SULF2: variants seen among roughly 807,000 people sequenced by gnomAD.
SULF2 encodes the protein sulfatase 2.
SULF2 carries 52 observed loss-of-function variants against 107.7 expected under a neutral mutation model. The observed-to-expected ratio is 0.48, with a 90% CI of 0.39 to 0.61. The LOEUF (loss-of-function observed/expected upper bound fraction) is 0.61. Among genes scored for constraint, SULF2 ranks in the 20% least tolerant of loss-of-function variants. The pLI, the probability that SULF2 is intolerant of heterozygous loss-of-function variation, is 0.00. For missense variants in SULF2, 993 were observed against 1,177.3 expected (o/e 0.84, Z 2.29); for synonymous variants, 460 against 464.3 (o/e 0.99, Z 0.12).
chr20:47,735,480 G>A (rs2089706623), intron 3 of SULF2, among the ~76,000 whole-genome samples: 1 of 152,176 alleles, frequency 6.6e-6, no homozygotes. Flanking sequence ...TTCAATAAGG[G>A]CCCACTGCTG....
chr20:47,674,318 C>T (rs2087570692), intron 10 of SULF2, among the ~76,000 whole-genome samples: 1 of 152,210 alleles, frequency 6.6e-6, no homozygotes, highest in African/African-American at 2.4e-5. Flanking sequence ...GTCCCTACAG[C>T]TGCTGAGAAC....
chr20:47,681,709 A>G (rs1440598345), intron 7 of SULF2, among the ~76,000 whole-genome samples: 1 of 152,160 alleles, frequency 6.6e-6, no homozygotes, highest in African/African-American at 2.4e-5. Flanking sequence ...TGTTTTTGAG[A>G]TGGAGTCTCA....
At chr20:47,673,719 T>TGGCCCTGAATGAGGCC (rs1392428481) in intron 10 of SULF2, among the ~76,000 whole-genome samples, 15 of 152,342 alleles carry the variant, frequency 9.8e-5, no homozygotes, top group African/African-American at 2.9e-4. Flanking sequence ...CCAGCAGGCA[T>TGGCCCTGAATGAGGCC]GGCCCTGAAT....
intron 17 of SULF2, among the ~76,000 whole-genome samples, 176 bp downstream of exon 17, chr20:47,662,894 A>AGC (rs71183271): frequency 7.2e-5 from 11 of 151,974 alleles, no homozygotes; most frequent in Non-Finnish European, 1.0e-4. Flanking sequence ...GGAGGCAAAA[A>AGC]AGGCTGATTG....
At chr20:47,762,990 G>A (rs1025672906) in intron 1 of SULF2, among the ~76,000 whole-genome samples, 5 of 152,138 alleles carry the variant, frequency 3.3e-5, no homozygotes, top group African/African-American at 4.8e-5. Flanking sequence ...GTTTCTCTCC[G>A]GATGCTGAAG....
chr20:47,783,427 CTCCCAAATCAG>C (rs1479252939), intron 1 of SULF2, among the ~76,000 whole-genome samples: 4 of 152,224 alleles, frequency 2.6e-5, no homozygotes, highest in African/African-American at 7.2e-5. Context: ...GAAATGTTAT[CTCCCAAATCAG>C]GTCCAAATCA....
In SULF2 at chr20:47,747,018, T is replaced by TATATATATATATACACAC. The variant is rs1232551264; in HGVS notation, c.176-10077_176-10076insGTGTGTATATATATATAT. Among the ~76,000 whole-genome samples the TATATATATATATACACAC allele has an allele frequency of 4.0e-5, 3 of 75,126 alleles. No individual in the cohort carries two copies. In the East Asian group the frequency reaches 1.2e-3, roughly 30 times the overall value. 49.3% of individuals were successfully genotyped at this position (75,126 alleles called of 152,430 possible). On this transcript the variant is annotated intron_variant, in intron 2 of 20. Transcript: ENST00000688720. ...AAATATATATATATATATATATATA[T>TATATATATATATACACAC]ACACACACACACACATAAAAAGGGA...
At position 47,745,861 on chromosome 20, in the gene SULF2, C is replaced by T. The variant is rs1350659056; in HGVS notation, c.176-8919G>A. 3.3e-5 allele frequency among the ~76,000 whole-genome samples: 5 copies of T among 152,094 alleles called. No homozygotes were observed. In the East Asian group the frequency reaches 5.8e-4, roughly 18 times the overall value. On this transcript the variant is annotated intron_variant, in intron 2 of 20. Coordinates refer to ENST00000688720, the MANE Select transcript of SULF2 (RefSeq NM_001387048.1). ...CAGCTTTTCAACAAGTATCGTCTCA[C>T]GCGGAGTTAAAAAACGGAGTCCCTC...
At chr20:47,672,607 C>T (rs982193269) in intron 10 of SULF2, 6 of 935,338 alleles carry the variant, frequency 6.4e-6, no homozygotes, top group East Asian at 1.2e-4. Flanking sequence ...GAGATGCCTC[C>T]GACAGCCACC....
chr20:47,693,084 G>A (rs1367240143), intron 4 of SULF2, among the ~76,000 whole-genome samples: 2 of 152,090 alleles, frequency 1.3e-5, no homozygotes, highest in Non-Finnish European at 2.9e-5. Context: ...GATTAATTTT[G>A]GGGAGTAAAA....
chr20:47,752,683 C>T (rs1426430531), intron 2 of SULF2, among the ~76,000 whole-genome samples: 5 of 151,908 alleles, frequency 3.3e-5, no homozygotes, highest in Admixed American at 3.3e-4. Context: ...CTCAGGAGGT[C>T]GAGGCTGCAG....
intron 1 of SULF2, among the ~76,000 whole-genome samples, chr20:47,767,705 G>A (rs2090553205): frequency 6.6e-6 from 1 of 152,148 alleles, no homozygotes. Context: ...AACCCAGGAG[G>A]CAGAGCTTGC....
intron 2 of SULF2, among the ~76,000 whole-genome samples, chr20:47,748,799 TG>T (rs1454855192): frequency 6.6e-6 from 1 of 152,220 alleles, no homozygotes; most frequent in Non-Finnish European, 1.5e-5. Context: ...TCTGTGTCCC[TG>T]GGTTCCAGTA....
intron 2 of SULF2, among the ~76,000 whole-genome samples, chr20:47,739,507 G>T (rs1347115417): frequency 6.6e-6 from 1 of 152,098 alleles, no homozygotes; most frequent in Non-Finnish European, 1.5e-5. Context: ...CAATCACAGG[G>T]CTACCTCTGT....
intron 5 of SULF2, among the ~76,000 whole-genome samples, chr20:47,687,611 G>A (rs2088053090): frequency 6.6e-6 from 1 of 152,226 alleles, no homozygotes; most frequent in Admixed American, 6.5e-5. Flanking sequence ...CTGTGGGCAC[G>A]CCTGTGTGTA....
intron 1 of SULF2, among the ~76,000 whole-genome samples, chr20:47,766,658 T>G (rs1489946290): frequency 2.0e-5 from 3 of 152,132 alleles, no homozygotes; most frequent in Admixed American, 6.5e-5. Context: ...GAAGTGATAC[T>G]CTAAGTCAAC....
chr20:47,717,860 C>A (rs967857345), intron 3 of SULF2, among the ~76,000 whole-genome samples: 5 of 147,662 alleles, frequency 3.4e-5, no homozygotes, highest in Non-Finnish European at 7.4e-5. Context: ...GTCACCCAGG[C>A]TGGAGTTCAG....
At chr20:47,743,792 T>C (rs1021964391) in intron 2 of SULF2, among the ~76,000 whole-genome samples, 2 of 152,160 alleles carry the variant, frequency 1.3e-5, no homozygotes, top group African/African-American at 4.8e-5. Context: ...CTCTCTAAGC[T>C]TCCTCTGCTC....
intron 17 of SULF2, among the ~76,000 whole-genome samples, chr20:47,662,631 G>A (rs1000222687): frequency 5.9e-5 from 9 of 152,142 alleles, no homozygotes; most frequent in African/African-American, 1.9e-4. Flanking sequence ...CACTTCAGTC[G>A]CATGTGTGTT....
Sources: allele counts gnomAD v4.1 joint callset (sites outside exome capture counted in the v4.1 genomes callset), GRCh38; gene constraint gnomAD v4.1.1; transcripts MANE v1.5; gene names NCBI Gene and HGNC (gene_info 2026-07-23, HGNC 2026-07-21).